The following FHOD3 variants were observed in gnomAD, a reference collection of about 807,000 sequenced individuals.
FHOD3 encodes the protein formin homology 2 domain containing 3, also known as FH1/FH2 domain-containing protein 3.
FHOD3 carries 90 observed loss-of-function variants against 173.0 expected under a neutral mutation model. The observed-to-expected ratio is 0.52, with a 90% CI of 0.44 to 0.62. The LOEUF (loss-of-function observed/expected upper bound fraction) is 0.62, where lower values mean the gene tolerates loss of function less well. FHOD3 is among the 20% of genes least tolerant of loss of function. FHOD3 has a pLI of 0.00. For missense variants in FHOD3, 1,945 were observed against 2,034.7 expected, an observed-to-expected ratio of 0.96 and a Z score of 0.85; for synonymous variants, 828 against 823.0, an observed-to-expected ratio of 1.01 and a Z score of -0.10.
chr18:36,506,723 C>T (rs959608785), intron 4 of FHOD3, among the ~76,000 whole-genome samples: 3 of 151,992 alleles, frequency 2.0e-5, no homozygotes, highest in Admixed American at 6.6e-5. Context: ...GATGACATGG[C>T]GAAAATATGT....
chr18:36,575,980 A>G (rs1013497598), intron 5 of FHOD3, among the ~76,000 whole-genome samples: 1 of 152,216 alleles, frequency 6.6e-6, no homozygotes, highest in Non-Finnish European at 1.5e-5. Flanking sequence ...ACCTATTGGA[A>G]TAAAATTGGA....
chr18:36,688,840 T>C (rs1229520013), intron 16 of FHOD3, among the ~76,000 whole-genome samples: 26 of 152,230 alleles, frequency 1.7e-4, no homozygotes, highest in Admixed American at 1.5e-3. Flanking sequence ...CAGCTCTTTC[T>C]GGATATTATT....
intron 6 of FHOD3, among the ~76,000 whole-genome samples, chr18:36,592,890 C>A (rs1279931072): frequency 2.0e-5 from 3 of 152,108 alleles, no homozygotes; most frequent in African/African-American, 7.2e-5. Flanking sequence ...TATATGATGC[C>A]TGCTCAGGAG....
Position 36,373,407 on chromosome 18 carries a change from A to G in FHOD3, c.337+663A>G, listed in dbSNP as rs1258998939. ...GGTCTTCATTTAATCCTCTAATCAA[A>G]AGAGCGTAGATCATCCTGTTGAGTC... On this transcript the variant is annotated intron_variant, in intron 3 of 28. Transcript: ENST00000590592. Among the ~76,000 whole-genome samples the G allele has an allele frequency of 2.0e-5, 3 of 151,926 alleles. No homozygotes were observed. The South Asian group carries it at 6.3e-4, about 32-fold the overall frequency.
At position 36,397,466 on chromosome 18, in the gene FHOD3, TA is replaced by T. The variant is rs200882098; in HGVS notation, c.337+24725del. On this transcript the variant is annotated intron_variant, in intron 3 of 28. Coordinates refer to ENST00000590592, the MANE Select transcript of FHOD3 (RefSeq NM_001281740.3). ...TTGTTTTGCTTTCTGGTTGCTTTTT[TA>T]AAGGATGGGTTTTAGATACTAAAAA... Among the ~76,000 whole-genome samples the T allele has an allele frequency of 5.3e-3, 812 of 152,318 alleles. 10 individuals carry two copies. The highest frequency in any genetic ancestry group is 0.018 in the African/African-American group (765 of 41,572).
intron 2 of FHOD3, among the ~76,000 whole-genome samples, chr18:36,366,001 T>C (rs1393297626): frequency 6.6e-6 from 1 of 152,136 alleles, no homozygotes; most frequent in Non-Finnish European, 1.5e-5. Flanking sequence ...CCCAGGGTGC[T>C]TCCACCTGGG....
chr18:36,306,625 G>T (rs537681187), intron 1 of FHOD3, among the ~76,000 whole-genome samples: 48 of 152,298 alleles, frequency 3.2e-4, no homozygotes, highest in African/African-American at 8.7e-4. Context: ...GCCATTCAGG[G>T]CAAACTCCAA....
chr18:36,779,449 G>T lies in FHOD3; in HGVS notation c.4788G>T (p.Leu1596Phe). The T allele has an allele frequency of 6.2e-7, 1 of 1,614,172 alleles. No individual in the cohort carries two copies. Among genetic ancestry groups the T allele is most frequent in the Non-Finnish European group, 8.5e-7 (1 of 1,180,026 alleles). ...GTGTGACCTGCACCACCACTGCAGTGCGAAGAACCCTGAAGAGCGGCCTGA... is the reference window on the plus strand; with the variant it reads ...GTGTGACCTGCACCACCACTGCAGTTCGAAGAACCCTGAAGAGCGGCCTGA... ...RKRSRANRKS[L>F]RRTLKSGLTP... The change falls in exon 29 of 29, where the codon TTG becomes TTT. Residue 1596 changes from leucine (L) to phenylalanine (F), a missense_variant and splice_region_variant. By Grantham distance (22) the Leu-to-Phe change is conservative. Around this residue, in one of 5 missense-constraint regions of FHOD3, gnomAD observed 354 missense variants for 359.9 expected, o/e 0.98. Transcript: ENST00000590592.
chr18:36,569,813 C>T (rs1461577192), intron 5 of FHOD3, among the ~76,000 whole-genome samples: 1 of 152,054 alleles, frequency 6.6e-6, no homozygotes, highest in African/African-American at 2.4e-5. Flanking sequence ...AATTAACACA[C>T]TTCTAAATAA....
chr18:36,747,164 A>G, intron 24 of FHOD3, 29 bp downstream of exon 24: 1 of 1,546,578 alleles, frequency 6.5e-7, no homozygotes, highest in Non-Finnish European at 8.8e-7. Flanking sequence ...TTATAGAAAT[A>G]TCAGTACAAT....
chr18:36,751,386 G>A (rs1302696834), intron 24 of FHOD3, among the ~76,000 whole-genome samples: 1 of 152,176 alleles, frequency 6.6e-6, no homozygotes, highest in African/African-American at 2.4e-5. Context: ...CTGAGATGAT[G>A]GAGTTTTCTG....
intron 17 of FHOD3, among the ~76,000 whole-genome samples, chr18:36,705,991 G>GTGCA (rs906405965): frequency 2.7e-5 from 4 of 145,540 alleles, no homozygotes; most frequent in African/African-American, 7.8e-5. Flanking sequence ...GTGTGTGTGT[G>GTGCA]CACGGAGAGA....
At chr18:36,671,298 CA>C (rs2149319279) in intron 14 of FHOD3, among the ~76,000 whole-genome samples, 1 of 152,364 alleles carries the variant, frequency 6.6e-6, no homozygotes, top group African/African-American at 2.4e-5. Flanking sequence ...CCACAGCCTG[CA>C]AATGTTCTCC....
chr18:36,335,769 G>A (rs539340455), intron 1 of FHOD3, among the ~76,000 whole-genome samples: 1 of 152,148 alleles, frequency 6.6e-6, no homozygotes, highest in South Asian at 2.1e-4. Flanking sequence ...CTCCAAGTGT[G>A]CAGAAACTTG....
chr18:36,581,969 C>T (rs964612646), intron 6 of FHOD3, among the ~76,000 whole-genome samples: 1 of 152,084 alleles, frequency 6.6e-6, no homozygotes, highest in African/African-American at 2.4e-5. Flanking sequence ...AAAATAGAGA[C>T]ATTTTGAGGA....
intron 16 of FHOD3, among the ~76,000 whole-genome samples, chr18:36,690,541 C>T (rs2038898326): frequency 6.6e-6 from 1 of 152,128 alleles, no homozygotes. Context: ...GCTTCCTCCC[C>T]AAGAACTGCT....
At chr18:36,673,103 CT>C (rs2037638085) in intron 14 of FHOD3, among the ~76,000 whole-genome samples, 1 of 152,180 alleles carries the variant, frequency 6.6e-6, no homozygotes, top group Non-Finnish European at 1.5e-5. Context: ...AAATCTCCCC[CT>C]CAGCTTTTGA....
At chr18:36,535,041 C>T (rs2056938586) in intron 5 of FHOD3, among the ~76,000 whole-genome samples, 2 of 152,184 alleles carry the variant, frequency 1.3e-5, no homozygotes, top group Admixed American at 1.3e-4. Context: ...TTTGTTCCTT[C>T]AAACTCCATG....
At position 36,712,470 on chromosome 18, in the gene FHOD3, A is replaced by AC. The variant is rs200908791; in HGVS notation, c.2533+3079_2533+3080insC. Among the ~76,000 whole-genome samples the AC allele has an allele frequency of 6.2e-3, 210 of 33,892 alleles. 2 individuals are homozygous for AC. The highest frequency in any genetic ancestry group is 0.035 in the East Asian group (84 of 2,434). 22.2% of individuals were successfully genotyped at this position (33,892 alleles called of 152,430 possible). A position where few individuals can be genotyped will look rare whatever the true frequency, so the allele number is the denominator to read the frequency against. On this transcript the variant is annotated intron_variant, in intron 18 of 28. Transcript: ENST00000590592. ...AGAACTGAAAAACACAGTAACAACA[A>AC]AAAAAAAAAATACTTACTGGATGGG... is the stretch of plus-strand genomic sequence containing the variant.
Sources: allele counts gnomAD v4.1 joint callset (sites outside exome capture counted in the v4.1 genomes callset), GRCh38; gene constraint gnomAD v4.1.1; regional missense constraint gnomAD v4.1.1; transcripts MANE v1.5; gene names NCBI Gene and HGNC (gene_info 2026-07-23, HGNC 2026-07-21).